The following GPR158 variants were observed in gnomAD, a reference collection of about 807,000 sequenced individuals.
The protein encoded by GPR158 is metabotropic glycine receptor.
Under a neutral mutation model 78.2 loss-of-function variants are expected in GPR158, and 30 were observed. The observed-to-expected ratio is 0.38, with a 90% CI of 0.29 to 0.52. GPR158 has a LOEUF of 0.52. Among genes scored for constraint, GPR158 ranks in the 20% least tolerant of loss-of-function variants. The pLI is 0.83. For synonymous variants in GPR158, 581 were observed against 591.1 expected, an observed-to-expected ratio of 0.98 and a Z score of 0.25; for missense variants, 1,463 against 1,523.5, an observed-to-expected ratio of 0.96 and a Z score of 0.66.
Position 25,517,162 on chromosome 10 carries a change from GCTCT to G in GPR158, c.1405-33811_1405-33808del, listed in dbSNP as rs1306670911. 7.6e-5 allele frequency among the ~76,000 whole-genome samples: 11 copies of G among 145,632 alleles called. No individual in the cohort carries two copies. In the East Asian group the frequency reaches 1.8e-3, roughly 24 times the overall value. Reference sequence around the variant, plus strand: ...TGAATGGGAGTTCACTCATGATTTGGCTCTCTGTTTGTCTGTTGTTGGTGTATAA... The same window carrying G: ...TGAATGGGAGTTCACTCATGATTTGGCTGTTTGTCTGTTGTTGGTGTATAA... On this transcript the variant is annotated intron_variant, in intron 5 of 10. Coordinates refer to ENST00000376351, the MANE Select transcript of GPR158 (RefSeq NM_020752.3).
chr10:25,451,690 C>T (rs1188941559), intron 4 of GPR158, among the ~76,000 whole-genome samples: 1 of 152,072 alleles, frequency 6.6e-6, no homozygotes, highest in East Asian at 1.9e-4. Context: ...CCTCTCTAAT[C>T]CTCAGGCTTT....
At chr10:25,446,960 G>GT (rs1279271666) in intron 4 of GPR158, among the ~76,000 whole-genome samples, 2 of 152,100 alleles carry the variant, frequency 1.3e-5, no homozygotes, top group African/African-American at 2.4e-5. Context: ...TGCTTTATTT[G>GT]TTTTTTATGG....
chr10:25,235,987 C>T (rs1054024099), intron 2 of GPR158, among the ~76,000 whole-genome samples: 24 of 152,188 alleles, frequency 1.6e-4, no homozygotes, highest in African/African-American at 4.3e-4. Flanking sequence ...TGAGCCACTG[C>T]GCCTGGCCTG....
chr10:25,212,974 T>C lies in GPR158; in HGVS notation c.903-8078T>C, dbSNP rs1246071439. On this transcript the variant is annotated intron_variant, in intron 1 of 10. Coordinates refer to ENST00000376351, the MANE Select transcript of GPR158 (RefSeq NM_020752.3). ...TTAAATGTTGTCTTTTTAGTTATAA[T>C]TTTTTTTACTGGAGATTGTTGTAGA... Among the ~76,000 whole-genome samples, 85 of 151,972 alleles carry C rather than the reference T, an allele frequency of 5.6e-4. 2 individuals are homozygous for C. The highest frequency in any genetic ancestry group is 5.6e-3 in the Admixed American group (85 of 15,228).
In GPR158 at chr10:25,175,697, C is replaced by A. The variant is rs1160729191; in HGVS notation, c.277C>A (p.Gln93Lys). ...ASYLYTGDSH[Q>K]LKRANCSGRY... is the part of the protein sequence containing the mutation. The stretch of plus-strand genomic sequence containing the variant: ...TTACCTCTACACCGGGGACTCCCAC[C>A]AGCTGAAGCGAGCCAACTGCTCCGG... Residue 93 changes from glutamine to lysine, a missense_variant, in exon 1 of 11, where the codon CAG (glutamine) becomes AAG (lysine). Transcript: ENST00000376351. The surrounding 1 kb of genome is among the most constrained non-coding windows in gnomAD (Gnocchi z 6.4). The A allele has an allele frequency of 5.6e-6, 9 of 1,611,844 alleles. No homozygotes were observed. The highest frequency in any genetic ancestry group is 7.6e-6 in the Non-Finnish European group (9 of 1,179,942).
In GPR158 at chr10:25,241,372, CTCTCTTCTCTTCTCT is replaced by C. The variant is rs368885244; in HGVS notation, c.1008+20242_1008+20256del. Among the ~76,000 whole-genome samples, 374 of 102,942 alleles carry C rather than the reference CTCTCTTCTCTTCTCT, an allele frequency of 3.6e-3. 5 individuals are homozygous for C. Among genetic ancestry groups the C allele is most frequent in the Non-Finnish European group, 4.8e-3 (274 of 57,334 alleles). 67.5% of individuals were successfully genotyped at this position (102,942 alleles called of 152,430 possible). ...TCTCTTTTCTTTTCTCTTTTCTTTT[CTCTCTTCTCTTCTCT>C]TCTCTTCTCTTCTCTTCTCTTCTCT... On this transcript the variant is annotated intron_variant, in intron 2 of 10. Transcript: ENST00000376351.
intron 4 of GPR158, among the ~76,000 whole-genome samples, chr10:25,464,922 C>T (rs78516376): frequency 0.017 from 2,617 of 152,264 alleles, 82 homozygotes; most frequent in African/African-American, 0.06. Flanking sequence ...TCACCAAAAG[C>T]GTCTTCTATC....
intron 2 of GPR158, among the ~76,000 whole-genome samples, chr10:25,259,314 G>A (rs1853936211): frequency 1.3e-5 from 2 of 152,160 alleles, no homozygotes. Context: ...TTAGCCTGTG[G>A]ACTATAGTTT....
At chr10:25,236,552 A>G (rs1385340003) in intron 2 of GPR158, among the ~76,000 whole-genome samples, 2 of 152,218 alleles carry the variant, frequency 1.3e-5, no homozygotes, top group East Asian at 3.8e-4. Flanking sequence ...TCATTCTGCA[A>G]TACCCAACCA....
intron 1 of GPR158, among the ~76,000 whole-genome samples, chr10:25,199,557 C>T (rs929054979): frequency 3.3e-5 from 5 of 152,062 alleles, no homozygotes; most frequent in African/African-American, 4.8e-5. Context: ...TAATCTCCAG[C>T]GTCCAGGGAG....
At chr10:25,409,199 A>G (rs182851774) in intron 3 of GPR158, among the ~76,000 whole-genome samples, 2 of 152,302 alleles carry the variant, frequency 1.3e-5, no homozygotes, top group East Asian at 1.9e-4. Flanking sequence ...TTGTAATCAC[A>G]TGAAAAGAAG....
intron 2 of GPR158, among the ~76,000 whole-genome samples, chr10:25,320,196 A>G (rs1310155837): frequency 6.6e-6 from 1 of 152,174 alleles, no homozygotes; most frequent in East Asian, 1.9e-4. Context: ...GCTGCTCCAC[A>G]TAGTATATCT....
At chr10:25,379,081 G>C (rs1834122038) in intron 2 of GPR158, among the ~76,000 whole-genome samples, 1 of 152,174 alleles carries the variant, frequency 6.6e-6, no homozygotes. Context: ...ATGAGCCACT[G>C]TGCCCAACCC....
intron 2 of GPR158, among the ~76,000 whole-genome samples, chr10:25,382,387 C>T (rs947891831): frequency 2.0e-5 from 3 of 151,570 alleles, no homozygotes; most frequent in Admixed American, 1.3e-4. Flanking sequence ...CTGGCTCCAT[C>T]GAACATAAGA....
intron 4 of GPR158, among the ~76,000 whole-genome samples, chr10:25,463,050 TTTC>T (rs1261961886): frequency 3.3e-5 from 5 of 152,326 alleles, no homozygotes; most frequent in African/African-American, 1.2e-4. Context: ...ACTTCATTGT[TTTC>T]TTATTTTAAG....
chr10:25,378,655 T>C (rs542712956), intron 2 of GPR158, among the ~76,000 whole-genome samples: 2 of 152,222 alleles, frequency 1.3e-5, no homozygotes, highest in African/African-American at 2.4e-5. Flanking sequence ...TTAATACTTT[T>C]AGTAGTTATT....
intron 7 of GPR158, among the ~76,000 whole-genome samples, chr10:25,580,927 TA>T (rs201891787): frequency 0.17 from 24,652 of 143,932 alleles, 4,536 homozygotes; most frequent in African/African-American, 0.43. Flanking sequence ...TATTTTATTT[TA>T]TTTTTTTGAG....
intron 6 of GPR158, among the ~76,000 whole-genome samples, chr10:25,563,784 A>G (rs577855352): frequency 6.8e-6 from 1 of 146,234 alleles, no homozygotes; most frequent in African/African-American, 2.8e-5. Flanking sequence ...ATTAACACAG[A>G]TTTATACTTA....
At chr10:25,422,971 G>T (rs149136453) in intron 4 of GPR158, among the ~76,000 whole-genome samples, 2 of 150,324 alleles carry the variant, frequency 1.3e-5, no homozygotes, top group African/African-American at 4.9e-5. Flanking sequence ...TTCCATTCCT[G>T]AGTTACTTCA....
Sources: gnomAD v4.1 joint callset for allele counts (sites outside exome capture counted in the v4.1 genomes callset) on GRCh38, gnomAD v4.1.1 for gene constraint, Gnocchi (gnomAD v3.1) non-coding constraint, MANE v1.5 for transcripts, NCBI Gene and HGNC (gene_info 2026-07-23, HGNC 2026-07-21) for gene names.